PCDHA2: variants seen among roughly 807,000 people sequenced by gnomAD.
PCDHA2 encodes the protein protocadherin alpha 2.
A neutral mutation model predicts 66.0 loss-of-function variants in PCDHA2; 58 were observed. The observed-to-expected ratio is 0.88, with a 90% CI of 0.71 to 1.09. PCDHA2 has a LOEUF of 1.09. PCDHA2 is among the 50% of genes least tolerant of loss of function. PCDHA2 has a pLI of 0.00. For missense variants in PCDHA2, 1,267 were observed against 1,242.3 expected (o/e 1.02, Z -0.30); for synonymous variants, 634 against 554.0 (o/e 1.14, Z -2.03).
chr5:140,854,175 A>AAAAGAGT, intron 1 of PCDHA2: 1 of 674,398 alleles, frequency 1.5e-6, no homozygotes, highest in Non-Finnish European at 1.8e-6. Context: ...AAAAAAAAAA[A>AAAAGAGT]AGAGTAGTTT....
intron 3 of PCDHA2, among the ~76,000 whole-genome samples, chr5:140,996,703 C>G (rs2097740523): frequency 6.6e-6 from 1 of 152,132 alleles, no homozygotes; most frequent in African/African-American, 2.4e-5. Context: ...GAACCTCTAT[C>G]TCTTTGATTT....
intron 1 of PCDHA2, chr5:140,884,501 G>A: frequency 1.9e-6 from 3 of 1,614,146 alleles, no homozygotes; most frequent in Middle Eastern, 1.6e-4. Context: ...CTCCAGCGCG[G>A]CAGGGAGTTG....
In PCDHA2 at chr5:141,011,549, GA is replaced by G. The variant is rs2098421039; in HGVS notation, c.*1615del. Reference sequence around the variant, plus strand: ...CCATTGTTAATCAGCTTTTGTGTATGAAAGACACAGTAAAATTTCTTTCTTA... The same window carrying G: ...CCATTGTTAATCAGCTTTTGTGTATGAAGACACAGTAAAATTTCTTTCTTA... On this transcript the variant is annotated 3_prime_UTR_variant, in exon 4 of 4. Coordinates refer to ENST00000526136, the MANE Select transcript of PCDHA2 (RefSeq NM_018905.3). 1 of 153,674 alleles carries G rather than the reference GA, an allele frequency of 6.5e-6. No individual in the cohort carries two copies. Among genetic ancestry groups the G allele is most frequent in the Non-Finnish European group, 1.5e-5 (1 of 68,008 alleles). The allele number at this position is 153,674 out of a possible 1,614,324, so 9.5% of individuals were successfully genotyped here. A position where few individuals can be genotyped will look rare whatever the true frequency, so the allele number is the denominator to read the frequency against.
chr5:140,830,051 C>G, intron 1 of PCDHA2: 2 of 1,613,728 alleles, frequency 1.2e-6, no homozygotes, highest in East Asian at 4.5e-5. Context: ...GGTGAAAGAC[C>G]ACGGTGAGCC....
At chr5:140,893,380 C>A (rs1554185596) in intron 1 of PCDHA2, among the ~76,000 whole-genome samples, 1 of 152,130 alleles carries the variant, frequency 6.6e-6, no homozygotes, top group African/African-American at 2.4e-5. Context: ...ATTTATGGGA[C>A]AGTGGCTCAT....
At chr5:140,827,981 T>C (rs1359301062) in intron 1 of PCDHA2, 2 of 1,423,020 alleles carry the variant, frequency 1.4e-6, no homozygotes, top group Non-Finnish European at 1.9e-6. Flanking sequence ...ATTCCCTGAC[T>C]GTTGAATGAT....
rs782296827 is a variant in PCDHA2, at chr5:140,858,349, C to T, written c.2388+60997C>T. The T allele has an allele frequency of 9.4e-6, 15 of 1,594,268 alleles. 2 individuals are homozygous for T. ...GGGAGGGCCTGCCCAAGGCGGACCT[C>T]ATGGCCTTCAGCCCCAGCCTTCCAC... On this transcript the variant is annotated intron_variant, in intron 1 of 3. Coordinates refer to ENST00000526136, the MANE Select transcript of PCDHA2 (RefSeq NM_018905.3).
intron 1 of PCDHA2, chr5:140,876,926 A>C (rs782589579): frequency 6.2e-7 from 1 of 1,613,842 alleles, no homozygotes; most frequent in East Asian, 2.2e-5. Context: ...GCGGACGCGC[A>C]GAAGAACGCG....
At chr5:140,873,265 T>A (rs2054186823) in intron 1 of PCDHA2, among the ~76,000 whole-genome samples, 1 of 152,228 alleles carries the variant, frequency 6.6e-6, no homozygotes, top group South Asian at 2.1e-4. Context: ...CAAAAGTGAT[T>A]AAACCATCAT....
intron 3 of PCDHA2, among the ~76,000 whole-genome samples, chr5:140,992,293 G>A (rs1043574685): frequency 1.3e-5 from 2 of 152,136 alleles, no homozygotes; most frequent in African/African-American, 2.4e-5. Flanking sequence ...GCAAAGGATG[G>A]GAGTATTGTT....
intron 1 of PCDHA2, chr5:140,834,613 TA>T: frequency 6.2e-6 from 10 of 1,614,054 alleles, no homozygotes; most frequent in Non-Finnish European, 8.5e-6. Flanking sequence ...CTTCTGGAGG[TA>T]AATCTGCAGA....
chr5:140,989,509 T>G (rs1554250840), intron 3 of PCDHA2, among the ~76,000 whole-genome samples: 1 of 152,196 alleles, frequency 6.6e-6, no homozygotes, highest in African/African-American at 2.4e-5. Context: ...GCTTATAACC[T>G]GAGTTGAGGG....
chr5:140,809,291 A>C, intron 1 of PCDHA2: 4 of 1,614,054 alleles, frequency 2.5e-6, no homozygotes, highest in Non-Finnish European at 3.4e-6. Flanking sequence ...ATACCTGATC[A>C]TTGCCATCTG....
intron 1 of PCDHA2, among the ~76,000 whole-genome samples, chr5:140,885,351 G>T (rs2060569192): frequency 1.3e-5 from 2 of 152,052 alleles, no homozygotes; most frequent in Admixed American, 6.5e-5. Context: ...TTTCCAAAAG[G>T]TACTGGTGAC....
chr5:140,966,862 G>C lies in PCDHA2; in HGVS notation c.2389-12087G>C, dbSNP rs782810195. On this transcript the variant is annotated intron_variant, in intron 1 of 3. Transcript: ENST00000526136. ...TGCTACTGCCTCTCCTGCTGCTGTTGCTGCTGCTGCTACCTGGCCCTGCGG... is the reference window on the plus strand; with the variant it reads ...TGCTACTGCCTCTCCTGCTGCTGTTCCTGCTGCTGCTACCTGGCCCTGCGG... The C allele has an allele frequency of 1.2e-5, 18 of 1,562,198 alleles. No individual in the cohort carries two copies. Among genetic ancestry groups the C allele is most frequent in the Non-Finnish European group, 1.5e-5 (18 of 1,164,444 alleles).
Position 140,877,431 on chromosome 5 carries a change from C to T in PCDHA2, c.2388+80079C>T, listed in dbSNP as rs782442127. 8.1e-6 allele frequency: 13 copies of T among 1,613,836 alleles called. No homozygotes were observed. The Admixed American group carries it at 2.2e-4, about 27-fold the overall frequency. On this transcript the variant is annotated intron_variant, in intron 1 of 3. Transcript: ENST00000526136. ...ACCGCCTGCTGGTGCTGGTGAAGGA[C>T]CACGGTGAGCCCGCGCTGACGTCCA...
At chr5:140,822,440 CAG>C (rs2150116452) in intron 1 of PCDHA2, 1 of 1,613,752 alleles carries the variant, frequency 6.2e-7, no homozygotes, top group Non-Finnish European at 8.5e-7. Flanking sequence ...CCCGAACTAA[CAG>C]GTACAGTTCA....
chr5:140,870,944 CG>C, intron 1 of PCDHA2: 1 of 1,613,658 alleles, frequency 6.2e-7, no homozygotes, highest in Non-Finnish European at 8.5e-7. Flanking sequence ...CAGCCGGCGG[CG>C]GGCGGCTCGC....
At chr5:140,823,609 C>G (rs1554129478) in intron 1 of PCDHA2, 1 of 1,614,036 alleles carries the variant, frequency 6.2e-7, no homozygotes, top group Non-Finnish European at 8.5e-7. Flanking sequence ...TGAGCTGCAG[C>G]CAGCGCCTGG....
Sources: gnomAD v4.1 joint callset for allele counts (sites outside exome capture counted in the v4.1 genomes callset) on GRCh38, gnomAD v4.1.1 for gene constraint, MANE v1.5 for transcripts, NCBI Gene and HGNC (gene_info 2026-07-23, HGNC 2026-07-21) for gene names.